The following RAD51B variants were observed in gnomAD, a reference collection of about 807,000 sequenced individuals.
RAD51B encodes the protein DNA repair protein RAD51 homolog 2.
RAD51B carries 38 observed loss-of-function variants against 42.2 expected under a neutral mutation model. That is an observed-to-expected ratio of 0.90 (90% CI 0.70 to 1.18). The LOEUF is 1.18. Among genes scored for constraint, RAD51B ranks in the 50% most tolerant of loss-of-function variants. The pLI is 0.00. For missense variants in RAD51B, 373 were observed against 400.7 expected (o/e 0.93, Z 0.59); for synonymous variants, 154 against 145.2 (o/e 1.06, Z -0.43).
intron 7 of RAD51B, among the ~76,000 whole-genome samples, chr14:68,261,162 T>C (rs895309700): frequency 1.3e-5 from 2 of 152,258 alleles, no homozygotes; most frequent in Admixed American, 6.5e-5. Flanking sequence ...AGGAAGCATT[T>C]TGAAATTGGG....
chr14:68,502,606 C>T (rs1163164971), intron 10 of RAD51B, among the ~76,000 whole-genome samples: 2 of 152,204 alleles, frequency 1.3e-5, no homozygotes, highest in East Asian at 1.9e-4. Context: ...GCCTACCTTT[C>T]GGAAACAAAT....
At chr14:68,217,274 T>C (rs2079835410) in intron 7 of RAD51B, among the ~76,000 whole-genome samples, 1 of 152,202 alleles carries the variant, frequency 6.6e-6, no homozygotes, top group Non-Finnish European at 1.5e-5. Context: ...ATCTCCTCTT[T>C]TCTAAATCCA....
intron 7 of RAD51B, among the ~76,000 whole-genome samples, chr14:68,217,542 C>A (rs2079841170): frequency 6.6e-6 from 1 of 152,306 alleles, no homozygotes; most frequent in African/African-American, 2.4e-5. Flanking sequence ...GTTCTTTACC[C>A]ACTCAGAGTC....
intron 7 of RAD51B, among the ~76,000 whole-genome samples, chr14:68,219,005 A>G (rs1470428163): frequency 1.3e-5 from 2 of 152,244 alleles, no homozygotes; most frequent in Admixed American, 6.5e-5. Flanking sequence ...GTAGTTGGAT[A>G]TAAGTCTGAC....
downstream of RAD51B, among the ~76,000 whole-genome samples, chr14:68,600,125 G>C (rs184642481): frequency 6.6e-6 from 1 of 152,190 alleles, no homozygotes; most frequent in Non-Finnish European, 1.5e-5. Context: ...CCTGATGGCC[G>C]AGATCATTAA....
intron 7 of RAD51B, among the ~76,000 whole-genome samples, chr14:68,278,214 T>C (rs941984147): frequency 1.3e-5 from 2 of 152,228 alleles, no homozygotes; most frequent in Admixed American, 1.3e-4. Flanking sequence ...GAGTTACCCT[T>C]ATACTATTTC....
At chr14:68,425,772 G>C (rs2084816289) in intron 9 of RAD51B, among the ~76,000 whole-genome samples, 1 of 152,176 alleles carries the variant, frequency 6.6e-6, no homozygotes, top group Non-Finnish European at 1.5e-5. Context: ...GTAAAGGCTG[G>C]AAGAATCTGG....
At chr14:67,949,894 C>A (rs989659682) in intron 7 of RAD51B, among the ~76,000 whole-genome samples, 1 of 152,112 alleles carries the variant, frequency 6.6e-6, no homozygotes, top group African/African-American at 2.4e-5. Flanking sequence ...GAATTCTTTT[C>A]AAAATATTTT....
chr14:68,624,164 T>C (rs772685984), intron 10 of RAD51B, among the ~76,000 whole-genome samples: 6 of 152,222 alleles, frequency 3.9e-5, no homozygotes, highest in Admixed American at 3.3e-4. Context: ...TGGCATAATA[T>C]GGATGTGTTG....
chr14:68,311,227 A>C (rs2081961281), intron 8 of RAD51B, among the ~76,000 whole-genome samples: 1 of 152,232 alleles, frequency 6.6e-6, no homozygotes, highest in Non-Finnish European at 1.5e-5. Flanking sequence ...TAAAGGCTTG[A>C]GGTTTTAATA....
At chr14:68,316,341 T>C (rs574421125) in intron 8 of RAD51B, among the ~76,000 whole-genome samples, 1 of 152,390 alleles carries the variant, frequency 6.6e-6, no homozygotes, top group East Asian at 1.9e-4. Flanking sequence ...GCACGAATTA[T>C]GTGCTGGTCA....
At chr14:68,137,074 G>A (rs1250581262) in intron 7 of RAD51B, among the ~76,000 whole-genome samples, 5 of 152,082 alleles carry the variant, frequency 3.3e-5, no homozygotes, top group African/African-American at 9.7e-5. Flanking sequence ...TCAGGAGTTC[G>A]AGAGCAGCCT....
At position 68,595,173 on chromosome 14, in the gene RAD51B, C is replaced by G. The variant is rs148448726; in HGVS notation, c.*570C>G. 393 of 1,065,766 alleles carry G rather than the reference C, an allele frequency of 3.7e-4. 1 individual carries two copies. The African/African-American group carries it at 6.1e-3, about 16-fold the overall frequency. 66.0% of individuals were successfully genotyped at this position (1,065,766 alleles called of 1,614,324 possible). A position where few individuals can be genotyped will look rare whatever the true frequency, so the allele number is the denominator to read the frequency against. On this transcript the variant is annotated 3_prime_UTR_variant, in exon 11 of 11. Coordinates refer to the RAD51B transcript ENST00000487270. ...TATTCTCTTCCCTCCCAATTATCCA[C>G]TCTAATGGAGCAGAACACTTACATG... is the stretch of plus-strand genomic sequence containing the variant.
intron 4 of RAD51B, among the ~76,000 whole-genome samples, chr14:67,848,827 T>C (rs1415610292): frequency 6.6e-6 from 1 of 152,154 alleles, no homozygotes; most frequent in Non-Finnish European, 1.5e-5. Context: ...ACGAGATAAA[T>C]TTATTTATTT....
chr14:68,171,632 T>A (rs1294688098), intron 7 of RAD51B, among the ~76,000 whole-genome samples: 1 of 151,954 alleles, frequency 6.6e-6, no homozygotes. Flanking sequence ...TGTAATTTTA[T>A]TAGTTTCTAA....
At chr14:68,240,726 G>A (rs75396514) in intron 7 of RAD51B, among the ~76,000 whole-genome samples, 2,993 of 152,240 alleles carry the variant, frequency 0.02, 105 homozygotes, top group African/African-American at 0.068. Context: ...AAGGAAATTT[G>A]CCTTGATGTT....
At chr14:67,966,772 CT>C (rs991758906) in intron 7 of RAD51B, among the ~76,000 whole-genome samples, 5 of 152,280 alleles carry the variant, frequency 3.3e-5, no homozygotes, top group Non-Finnish European at 7.4e-5. Context: ...TGCAAACTTG[CT>C]TTTTTGACTC....
chr14:67,941,353 C>G (rs2045200572), intron 7 of RAD51B, among the ~76,000 whole-genome samples: 1 of 152,188 alleles, frequency 6.6e-6, no homozygotes, highest in Admixed American at 6.5e-5. Context: ...ATAAGGTTAC[C>G]TGACACCCTT....
intron 10 of RAD51B, among the ~76,000 whole-genome samples, chr14:68,546,603 G>A (rs1594961025): frequency 3.3e-5 from 5 of 152,256 alleles, no homozygotes; most frequent in Admixed American, 2.6e-4. Flanking sequence ...GGTGATAAAC[G>A]AAGCCAACAA....
Sources: gnomAD v4.1 joint callset for allele counts (sites outside exome capture counted in the v4.1 genomes callset) on GRCh38, gnomAD v4.1.1 for gene constraint, MANE v1.5 for transcripts, NCBI Gene and HGNC (gene_info 2026-07-23, HGNC 2026-07-21) for gene names.